Variants in PTPRT observed in about 807,000 individuals in gnomAD.
PTPRT encodes the protein receptor-type tyrosine-protein phosphatase T.
In PTPRT, 56 loss-of-function variants were observed where a neutral mutation model predicts 176.8. The observed-to-expected ratio is 0.32, with a 90% CI of 0.26 to 0.40. The LOEUF is 0.40. Among genes scored for constraint, PTPRT ranks in the 10% least tolerant of loss-of-function variants. PTPRT has a pLI of 1.00. For synonymous variants in PTPRT, 783 were observed against 739.0 expected, an observed-to-expected ratio of 1.06 and a Z score of -0.96; for missense variants, 1,540 against 1,908.2, an observed-to-expected ratio of 0.81 and a Z score of 3.60.
At chr20:43,097,849 T>G (rs2012230445) in intron 1 of PTPRT, among the ~76,000 whole-genome samples, 1 of 152,220 alleles carries the variant, frequency 6.6e-6, no homozygotes, top group South Asian at 2.1e-4. Context: ...CTTTATGATC[T>G]TAAGTATCTT....
intron 7 of PTPRT, among the ~76,000 whole-genome samples, chr20:42,592,549 C>T (rs1007133423): frequency 2.6e-5 from 4 of 152,174 alleles, no homozygotes; most frequent in African/African-American, 9.7e-5. Flanking sequence ...TTTCTCATTC[C>T]TCCCTAAACA....
rs1353220077 is a variant in PTPRT at position 42,078,123 on chromosome 20, C to T, written c.*2756G>A. 2.7e-5 allele frequency: 5 copies of T among 187,742 alleles called. No individual in the cohort carries two copies. The highest frequency in any genetic ancestry group is 8.5e-5 in the East Asian group (1 of 11,732). 11.6% of individuals were successfully genotyped at this position (187,742 alleles called of 1,614,324 possible). On this transcript the variant is annotated 3_prime_UTR_variant, in exon 31 of 31. Transcript: ENST00000373187. ...AGCAGGCCCAGTGGGGGTGGGTCCC[C>T]GGGGTCTGCTGAAATACACCTGGGG...
At chr20:42,117,027 A>C (rs778861157) in intron 21 of PTPRT, among the ~76,000 whole-genome samples, 3 of 152,188 alleles carry the variant, frequency 2.0e-5, no homozygotes, top group Admixed American at 6.5e-5. Context: ...AAGCACTGGA[A>C]TCAGAGTCCA....
chr20:42,876,252 G>T (rs767982520), intron 2 of PTPRT, among the ~76,000 whole-genome samples: 5 of 152,118 alleles, frequency 3.3e-5, no homozygotes, highest in Non-Finnish European at 5.9e-5. Context: ...GGGAACATAA[G>T]AACTTACAAC....
intron 2 of PTPRT, among the ~76,000 whole-genome samples, chr20:42,837,736 A>G (rs1425284676): frequency 6.6e-6 from 1 of 152,232 alleles, no homozygotes; most frequent in Middle Eastern, 3.2e-3. Context: ...CGCAGAACAG[A>G]GTACAGAGGC....
chr20:42,567,677 A>G (rs891425622), intron 7 of PTPRT, among the ~76,000 whole-genome samples: 4 of 152,226 alleles, frequency 2.6e-5, no homozygotes, highest in Admixed American at 1.3e-4. Context: ...ATTTGTTGTG[A>G]ACATTCACTA....
At chr20:42,312,477 C>T (rs2057648891) in intron 12 of PTPRT, among the ~76,000 whole-genome samples, 2 of 152,310 alleles carry the variant, frequency 1.3e-5, no homozygotes, top group African/African-American at 4.8e-5. Flanking sequence ...CCCAACTCTT[C>T]TCAGTAAAAT....
At chr20:42,189,814 T>A (rs1281324975) in intron 16 of PTPRT, among the ~76,000 whole-genome samples, 1 of 152,228 alleles carries the variant, frequency 6.6e-6, no homozygotes. Flanking sequence ...GAAGTTTGGA[T>A]CAATAACATC....
intron 7 of PTPRT, among the ~76,000 whole-genome samples, chr20:42,515,260 G>A (rs113517186): frequency 2.7e-4 from 41 of 152,242 alleles, no homozygotes; most frequent in African/African-American, 2.6e-4. Flanking sequence ...CGAGGCAGGC[G>A]GATCACAAGG....
chr20:42,446,580 A>ATGTGTGTGTG lies in PTPRT; in HGVS notation c.1560+1630_1560+1639dup, dbSNP rs372328206. On this transcript the variant is annotated intron_variant, in intron 9 of 30. Coordinates refer to ENST00000373187, the MANE Select transcript of PTPRT (RefSeq NM_007050.6). The stretch of plus-strand genomic sequence containing the variant: ...CACAACACATCTTTATTTCATGTAA[A>ATGTGTGTGTG]TGTGTGTGTGTGTGTGTGTGTGTGT... 6.1e-3 allele frequency among the ~76,000 whole-genome samples: 856 copies of ATGTGTGTGTG among 139,472 alleles called. 7 individuals carry two copies. The highest frequency in any genetic ancestry group is 9.3e-3 in the African/African-American group (335 of 36,030). 91.5% of individuals were successfully genotyped at this position (139,472 alleles called of 152,430 possible). A position where few individuals can be genotyped will look rare whatever the true frequency, so the allele number is the denominator to read the frequency against.
chr20:42,791,153 A>G (rs1569159084), intron 3 of PTPRT, 42 bp downstream of exon 3: 2 of 1,533,346 alleles, frequency 1.3e-6, no homozygotes, highest in Non-Finnish European at 8.8e-7. Flanking sequence ...GTATAGATTT[A>G]TTACAAATTT....
chr20:42,227,020 T>A (rs1326626061), intron 15 of PTPRT, among the ~76,000 whole-genome samples: 1 of 151,868 alleles, frequency 6.6e-6, no homozygotes, highest in Non-Finnish European at 1.5e-5. Flanking sequence ...CAATGAAGAG[T>A]GCATTTCAGT....
rs1048561162 is a variant in PTPRT, at chr20:43,189,692, C to T, written c.42G>A (p.Arg14=). ...CGCCGGGCAGTGGCGGCAGCTGCAG[C>T]CTCAGGAGCAGGCTGAGGGCGAGCG... The part of the protein sequence containing the change: ...LAALALSLLL[R]LQLPPLPGAR... The change falls in exon 1 of 31, where the codon AGG becomes AGA. Residue 14 remains arginine (R), a synonymous_variant. Transcript: ENST00000373187. The surrounding 1 kb of genome is among the most constrained non-coding windows in gnomAD (Gnocchi z 5.0). 3.0e-6 allele frequency: 4 copies of T among 1,320,402 alleles called. No homozygotes were observed. Among genetic ancestry groups the T allele is most frequent in the Admixed American group, 3.4e-5 (1 of 29,646 alleles). 81.8% of individuals were successfully genotyped at this position (1,320,402 alleles called of 1,614,324 possible).
At chr20:42,855,207 C>T (rs1282396374) in intron 2 of PTPRT, among the ~76,000 whole-genome samples, 1 of 152,104 alleles carries the variant, frequency 6.6e-6, no homozygotes. Flanking sequence ...AATCACACAG[C>T]ATGGTATAGT....
At chr20:43,033,165 T>A (rs989820415) in intron 1 of PTPRT, among the ~76,000 whole-genome samples, 1 of 152,226 alleles carries the variant, frequency 6.6e-6, no homozygotes, top group Non-Finnish European at 1.5e-5. Flanking sequence ...TGCCCATTTC[T>A]CTTGGATCCC....
At chr20:42,382,308 C>T (rs577063781) in intron 9 of PTPRT, among the ~76,000 whole-genome samples, 5 of 152,230 alleles carry the variant, frequency 3.3e-5, no homozygotes, top group African/African-American at 9.6e-5. Context: ...GGATGGAGTT[C>T]GGGGATATTT....
intron 1 of PTPRT, among the ~76,000 whole-genome samples, chr20:43,073,536 AT>A (rs1197104375): frequency 6.6e-6 from 1 of 151,744 alleles, no homozygotes; most frequent in African/African-American, 2.4e-5. Context: ...ATAGGTGTGT[AT>A]ATAGCACATG....
intron 13 of PTPRT, among the ~76,000 whole-genome samples, chr20:42,258,220 A>T (rs1255076384): frequency 6.6e-6 from 1 of 152,176 alleles, no homozygotes; most frequent in Non-Finnish European, 1.5e-5. Context: ...TATTTCATGC[A>T]TCTTTCTTGA....
At chr20:42,563,137 C>T (rs6030330) in intron 7 of PTPRT, among the ~76,000 whole-genome samples, 52,055 of 151,884 alleles carry the variant, frequency 0.34, 9,237 homozygotes, top group South Asian at 0.43. Flanking sequence ...TTAGTTTATT[C>T]TTTACTACTA....
Sources: allele counts gnomAD v4.1 joint callset (sites outside exome capture counted in the v4.1 genomes callset), GRCh38; gene constraint gnomAD v4.1.1; non-coding constraint Gnocchi (gnomAD v3.1); transcripts MANE v1.5; gene names NCBI Gene and HGNC (gene_info 2026-07-23, HGNC 2026-07-21).